The following MARK1 variants were observed in gnomAD, a reference collection of about 807,000 sequenced individuals.
MARK1 encodes microtubule affinity regulating kinase 1, also known as serine/threonine-protein kinase MARK1.
MARK1 carries 40 observed loss-of-function variants against 96.3 expected under a neutral mutation model. The ratio of observed to expected loss-of-function variants is 0.42; its 90% CI spans 0.32 to 0.54. MARK1 has a LOEUF of 0.54. Among genes scored for constraint, MARK1 ranks in the 20% least tolerant of loss-of-function variants. The pLI is 0.16. For synonymous variants in MARK1, 317 were observed against 341.2 expected (o/e 0.93, Z 0.78); for missense variants, 719 against 984.6 (o/e 0.73, Z 3.61).
chr1:220,624,435 A>G (rs767972742), intron 9 of MARK1, among the ~76,000 whole-genome samples: 3 of 151,814 alleles, frequency 2.0e-5, no homozygotes, highest in Non-Finnish European at 4.4e-5. Flanking sequence ...CCCCGTCTCT[A>G]TTAAAGATAC....
intron 3 of MARK1, among the ~76,000 whole-genome samples, chr1:220,585,984 TACACACACACAC>T (rs1553322886): frequency 1.9e-4 from 10 of 52,888 alleles, no homozygotes; most frequent in African/African-American, 3.9e-4. Flanking sequence ...TACATACGTA[TACACACACACAC>T]ACACACACAC....
chr1:220,646,501 A>G (rs1423341895), intron 13 of MARK1, among the ~76,000 whole-genome samples: 1 of 152,212 alleles, frequency 6.6e-6, no homozygotes, highest in Non-Finnish European at 1.5e-5. Context: ...TATAAATTCA[A>G]TGCTATTCCC....
chr1:220,651,811 TATTA>T (rs1368881053), intron 14 of MARK1, among the ~76,000 whole-genome samples, 171 bp from the exon 15 acceptor site: 7 of 152,238 alleles, frequency 4.6e-5, no homozygotes, highest in Admixed American at 2.0e-4. Context: ...TTCATAAGAA[TATTA>T]ATTGTTTTGT....
chr1:220,586,683 A>G (rs1664650574), intron 3 of MARK1, among the ~76,000 whole-genome samples: 1 of 152,212 alleles, frequency 6.6e-6, no homozygotes, highest in African/African-American at 2.4e-5. Flanking sequence ...AAGCTACTTA[A>G]GATATACTGA....
rs896906917 is a variant in MARK1 at position 220,579,364 on chromosome 1, T to C, written c.62T>C (p.Val21Ala). 6.2e-7 allele frequency: 1 copy of C among 1,613,220 alleles called. No individual in the cohort carries two copies. Among genetic ancestry groups the C allele is most frequent in the South Asian group, 1.1e-5 (1 of 91,058 alleles). Residue 21 changes from valine (V) to alanine (A), a missense_variant, in exon 2 of 18, where the codon GTG (valine) becomes GCG (alanine). Val to Ala is a moderately conservative substitution (Grantham distance 64, BLOSUM62 0). Around this residue, in one of 4 missense-constraint regions of MARK1, gnomAD observed 105 missense variants for 133.4 expected, o/e 0.79. Coordinates refer to ENST00000366917, the MANE Select transcript of MARK1 (RefSeq NM_018650.5). ...NERDTENHTS[V>A]DGYTEPHIQP... The stretch of plus-strand genomic sequence containing the variant: ...TAAACTTTTTCTTAGCATACATCTG[T>C]GGATGGATATACTGAACCACACATC...
chr1:220,633,911 G>A (rs922227007), intron 11 of MARK1, among the ~76,000 whole-genome samples: 2 of 152,168 alleles, frequency 1.3e-5, no homozygotes, highest in Non-Finnish European at 2.9e-5. Flanking sequence ...GAATTGGAGG[G>A]AGAGATTTGA....
chr1:220,580,203 C>T (rs1664140262), intron 2 of MARK1, among the ~76,000 whole-genome samples: 1 of 151,824 alleles, frequency 6.6e-6, no homozygotes, highest in African/African-American at 2.4e-5. Context: ...CTCAATCAGG[C>T]CCAATGCAGT....
chr1:220,610,988 G>A (rs1231591145), intron 6 of MARK1, among the ~76,000 whole-genome samples: 1 of 152,190 alleles, frequency 6.6e-6, no homozygotes, highest in Non-Finnish European at 1.5e-5. Context: ...GTGTCTGTCA[G>A]CCCCTACTGG....
intron 1 of MARK1, among the ~76,000 whole-genome samples, chr1:220,541,539 G>A (rs1003505337): frequency 2.6e-5 from 4 of 151,974 alleles, no homozygotes; most frequent in Non-Finnish European, 4.4e-5. Flanking sequence ...TTGTTGTGTC[G>A]CCGTCTATTC....
intron 3 of MARK1, among the ~76,000 whole-genome samples, chr1:220,593,538 G>GA (rs200505800): frequency 6.6e-6 from 1 of 151,572 alleles, no homozygotes; most frequent in Non-Finnish European, 1.5e-5. Flanking sequence ...GCCACAGTAA[G>GA]AAAAAAAATA....
intron 1 of MARK1, among the ~76,000 whole-genome samples, chr1:220,538,088 C>A (rs1409873353): frequency 6.6e-6 from 1 of 151,610 alleles, no homozygotes; most frequent in Non-Finnish European, 1.5e-5. Context: ...TTAATTAGAT[C>A]CTGTTTGTCA....
rs1353993095 is a variant in MARK1, at chr1:220,654,324, A to G, written c.1988+972A>G. 6.6e-6 allele frequency among the ~76,000 whole-genome samples: 1 copy of G among 152,216 alleles called. No homozygotes were observed. The highest frequency in any genetic ancestry group is 1.5e-5 in the Non-Finnish European group (1 of 68,030). ...TTGCTTTAAGAAATACTAATTAAAT[A>G]CTTAGTTTCCAATGTTATTAGTGTT... is the stretch of plus-strand genomic sequence containing the variant. On this transcript the variant is annotated intron_variant, in intron 16 of 17. Coordinates refer to ENST00000366917, the MANE Select transcript of MARK1 (RefSeq NM_018650.5). The surrounding 1 kb of genome is among the most constrained non-coding windows in gnomAD (Gnocchi z 4.0).
chr1:220,625,507 T>G (rs1322048805), intron 9 of MARK1, among the ~76,000 whole-genome samples: 1 of 152,134 alleles, frequency 6.6e-6, no homozygotes, highest in Non-Finnish European at 1.5e-5. Context: ...TAGGCAAAGA[T>G]CAGGGTGCCA....
intron 1 of MARK1, among the ~76,000 whole-genome samples, chr1:220,557,640 CA>C (rs1378847216): frequency 1.3e-5 from 2 of 151,010 alleles, no homozygotes; most frequent in African/African-American, 4.9e-5. Flanking sequence ...GTTTGAATTA[CA>C]AAAAAAATAT....
chr1:220,637,402 A>G (rs1196424548), intron 13 of MARK1, among the ~76,000 whole-genome samples: 1 of 152,164 alleles, frequency 6.6e-6, no homozygotes, highest in Admixed American at 6.5e-5. Context: ...TTAAGAGAGC[A>G]GGCACAGTGG....
rs1667475551 is a variant in MARK1 at position 220,628,509 on chromosome 1, T to A, written c.910-2526T>A. ...GCGTCACCTTATTTGACCATTTGGCTATATTTGACAGGACTCTCCTCTTCG... is the reference window on the plus strand; with the variant it reads ...GCGTCACCTTATTTGACCATTTGGCAATATTTGACAGGACTCTCCTCTTCG... On this transcript the variant is annotated intron_variant, in intron 9 of 17. Coordinates refer to ENST00000366917, the MANE Select transcript of MARK1 (RefSeq NM_018650.5). Among the ~76,000 whole-genome samples the A allele has an allele frequency of 5.9e-5, 9 of 152,218 alleles. No individual in the cohort carries two copies. The South Asian group carries it at 1.9e-3, about 32-fold the overall frequency.
chr1:220,601,683 T>C (rs1572156160), intron 5 of MARK1, among the ~76,000 whole-genome samples: 1 of 152,174 alleles, frequency 6.6e-6, no homozygotes, highest in South Asian at 2.1e-4. Flanking sequence ...ACCCTTCTCT[T>C]TTTATAAAGG....
At chr1:220,548,506 G>A (rs1227303123) in intron 1 of MARK1, among the ~76,000 whole-genome samples, 1 of 152,024 alleles carries the variant, frequency 6.6e-6, no homozygotes, top group African/African-American at 2.4e-5. Flanking sequence ...TCGGGAGGCT[G>A]AGACTGGCGG....
At chr1:220,579,665 A>G (rs888045707) in intron 2 of MARK1, 108 bp downstream of exon 2, 2 of 800,232 alleles carry the variant, frequency 2.5e-6, no homozygotes, top group Admixed American at 4.2e-5. Context: ...CAATATGATT[A>G]ACACTGGGGT....
Sources: gnomAD v4.1 joint callset for allele counts (sites outside exome capture counted in the v4.1 genomes callset) on GRCh38, gnomAD v4.1.1 for gene constraint, gnomAD v4.1.1 regional missense constraint, Gnocchi (gnomAD v3.1) non-coding constraint, MANE v1.5 for transcripts, NCBI Gene and HGNC (gene_info 2026-07-23, HGNC 2026-07-21) for gene names.